ABLIM3: variants seen among roughly 807,000 people sequenced by gnomAD.
The protein encoded by ABLIM3 is actin binding LIM protein family member 3.
ABLIM3 carries 61 observed loss-of-function variants against 109.5 expected under a neutral mutation model. The observed-to-expected ratio is 0.56, with a 90% confidence interval of 0.45 to 0.69. ABLIM3 has a LOEUF of 0.69. Ranked by LOEUF, ABLIM3 falls within the 30% of genes least tolerant of loss-of-function variation. ABLIM3 has a pLI of 0.00. For synonymous variants in ABLIM3, 300 were observed against 324.8 expected, an observed-to-expected ratio of 0.92 and a Z score of 0.82; for missense variants, 796 against 889.5, an observed-to-expected ratio of 0.89 and a Z score of 1.34.
At chr5:149,205,211 C>T (rs1258290633) in intron 5 of ABLIM3, among the ~76,000 whole-genome samples, 2 of 152,198 alleles carry the variant, frequency 1.3e-5, no homozygotes, top group African/African-American at 4.8e-5. Context: ...AGTCAAGTCT[C>T]AGCTCCATAT....
rs1754060978 is a variant in ABLIM3 at position 149,252,793 on chromosome 5, GGAA to G, written c.1898_1900del (p.Arg633del). On this transcript the variant is annotated inframe_deletion, in exon 23 of 24. Coordinates refer to ENST00000309868, the MANE Select transcript of ABLIM3 (RefSeq NM_014945.5). ...TGAACTGCTGCTGGTGACTACAAGA[GGAA>G]GAAACCGACTGCCCAAGGATGTAGA... 1 of 1,613,456 alleles carries G rather than the reference GGAA, an allele frequency of 6.2e-7. No individual in the cohort carries two copies. Among genetic ancestry groups the G allele is most frequent in the South Asian group, 1.1e-5 (1 of 91,056 alleles).
At chr5:149,202,999 C>G (rs1758627179) in intron 5 of ABLIM3, among the ~76,000 whole-genome samples, 1 of 151,908 alleles carries the variant, frequency 6.6e-6, no homozygotes, top group Non-Finnish European at 1.5e-5. Flanking sequence ...ATCACCACCA[C>G]CACCATCATC....
intron 6 of ABLIM3, among the ~76,000 whole-genome samples, chr5:149,209,654 T>C (rs970493159): frequency 6.6e-6 from 1 of 152,198 alleles, no homozygotes; most frequent in Non-Finnish European, 1.5e-5. Flanking sequence ...CAAATGACTT[T>C]TTCTCCCTGC....
intron 2 of ABLIM3, among the ~76,000 whole-genome samples, chr5:149,148,271 G>C (rs936677698): frequency 2.6e-5 from 4 of 152,128 alleles, no homozygotes. Flanking sequence ...GGAGTGAGGT[G>C]GTGGGCAGAC....
chr5:149,163,205 G>C (rs1453977763), intron 2 of ABLIM3, among the ~76,000 whole-genome samples: 2 of 152,126 alleles, frequency 1.3e-5, no homozygotes, highest in Non-Finnish European at 2.9e-5. Context: ...TATCCCCCTG[G>C]CTACTGTGTG....
In ABLIM3 at chr5:149,252,822, C is replaced by T; in HGVS notation, c.1923C>T (p.Asp641=). 6.2e-7 allele frequency: 1 copy of T among 1,613,236 alleles called. No individual in the cohort carries two copies. Among genetic ancestry groups the T allele is most frequent in the Non-Finnish European group, 8.5e-7 (1 of 1,179,388 alleles). The change falls in exon 23 of 24, where the codon GAC becomes GAT. Residue 641 remains aspartate, a synonymous_variant. Coordinates refer to ENST00000309868, the MANE Select transcript of ABLIM3 (RefSeq NM_014945.5). ...GAAACCGACTGCCCAAGGATGTAGACAGGACCCGTTTAGAGGTAAGTCTAA... is the reference window on the plus strand; with the variant it reads ...GAAACCGACTGCCCAAGGATGTAGATAGGACCCGTTTAGAGGTAAGTCTAA... ...RGRNRLPKDV[D]RTRLERHLSQ...
rs986725731 is a variant in ABLIM3 at position 149,141,616 on chromosome 5, C to A, written c.-126C>A. On this transcript the variant is annotated 5_prime_UTR_variant, in exon 1 of 24. Transcript: ENST00000309868. ...GGATTCATGAAATCAGTCGCAGGGGCCGGGGCAGGGGCCTCTGGCTCCCGA... is the reference window on the plus strand; with the variant it reads ...GGATTCATGAAATCAGTCGCAGGGGACGGGGCAGGGGCCTCTGGCTCCCGA... The A allele has an allele frequency of 1.9e-5, 3 of 161,414 alleles. No homozygotes were observed. In the East Asian group the frequency reaches 5.5e-4, roughly 29 times the overall value. 10.0% of individuals were successfully genotyped at this position (161,414 alleles called of 1,614,324 possible).
intron 2 of ABLIM3, among the ~76,000 whole-genome samples, chr5:149,173,481 T>C (rs953213271): frequency 1.3e-4 from 20 of 152,044 alleles, no homozygotes; most frequent in Non-Finnish European, 1.5e-5. Context: ...GCCAGCATCA[T>C]AGAGACCCTG....
intron 3 of ABLIM3, among the ~76,000 whole-genome samples, chr5:149,193,130 T>A (rs954781656): frequency 6.6e-6 from 1 of 152,144 alleles, no homozygotes; most frequent in Non-Finnish European, 1.5e-5. Context: ...GATGGGATAA[T>A]TGGAAAACTT....
chr5:149,257,881 C>G (rs1754579840), intron 23 of ABLIM3, among the ~76,000 whole-genome samples: 1 of 152,148 alleles, frequency 6.6e-6, no homozygotes, highest in African/African-American at 2.4e-5. Flanking sequence ...GAAATATCCC[C>G]TAAAATCTTG....
At chr5:149,172,844 T>C (rs1755573854) in intron 2 of ABLIM3, among the ~76,000 whole-genome samples, 1 of 152,196 alleles carries the variant, frequency 6.6e-6, no homozygotes, top group African/African-American at 2.4e-5. Flanking sequence ...TAGAAAATTA[T>C]AACCGAAAGG....
chr5:149,232,772 G>A (rs2127548636), intron 9 of ABLIM3, among the ~76,000 whole-genome samples: 1 of 152,040 alleles, frequency 6.6e-6, no homozygotes, highest in Middle Eastern at 3.4e-3. Flanking sequence ...TTTTTTTTAA[G>A]TTTATCACTT....
intron 7 of ABLIM3, chr5:149,216,729 G>A (rs1277002684): frequency 1.9e-6 from 1 of 518,572 alleles, no homozygotes; most frequent in African/African-American, 1.9e-5. Flanking sequence ...TAGAAGAGCA[G>A]GTATTCAGGG....
At position 149,210,798 on chromosome 5, in the gene ABLIM3, C is replaced by T. The variant is rs776515838; in HGVS notation, c.648C>T (p.Tyr216=). 2 of 1,614,116 alleles carry T rather than the reference C, an allele frequency of 1.2e-6. No individual in the cohort carries two copies. The change falls in exon 7 of 24, where the codon TAC becomes TAT. Residue 216 remains tyrosine, a synonymous_variant. Transcript: ENST00000309868. Reference sequence around the variant, plus strand: ...TTAAATGTGAGACTTGTGACCGATACATCAGTGGCAGAGTCTTGGAGGTGA... The same window carrying T: ...TTAAATGTGAGACTTGTGACCGATATATCAGTGGCAGAGTCTTGGAGGTGA... ...FGIKCETCDR[Y]ISGRVLEAGG... is the part of the protein sequence containing the mutation.
At chr5:149,166,698 C>G (rs1241839117) in intron 2 of ABLIM3, among the ~76,000 whole-genome samples, 1 of 152,240 alleles carries the variant, frequency 6.6e-6, no homozygotes, top group Non-Finnish European at 1.5e-5. Flanking sequence ...TTACTGAACT[C>G]TTTGCCTTTG....
chr5:149,168,949 A>G (rs1455989876), intron 2 of ABLIM3, among the ~76,000 whole-genome samples: 1 of 151,922 alleles, frequency 6.6e-6, no homozygotes, highest in Non-Finnish European at 1.5e-5. Flanking sequence ...GGGCCCAGGA[A>G]TCTGTATTTT....
chr5:149,169,343 G>A (rs1755152643), intron 2 of ABLIM3, among the ~76,000 whole-genome samples: 1 of 151,890 alleles, frequency 6.6e-6, no homozygotes, highest in Non-Finnish European at 1.5e-5. Flanking sequence ...ATCTTAAGGG[G>A]ATCTCCCCTC....
chr5:149,231,335 A>G (rs1478033419), intron 9 of ABLIM3, among the ~76,000 whole-genome samples: 1 of 152,196 alleles, frequency 6.6e-6, no homozygotes, highest in Non-Finnish European at 1.5e-5. Context: ...CTGATACTGC[A>G]GAGAGGGATT....
chr5:149,155,359 G>A (rs1193816786), intron 2 of ABLIM3, among the ~76,000 whole-genome samples: 1 of 152,304 alleles, frequency 6.6e-6, no homozygotes, highest in Non-Finnish European at 1.5e-5. Flanking sequence ...TAGGCACCAT[G>A]AAATCAATGA....
Sources: gnomAD v4.1 joint callset for allele counts (sites outside exome capture counted in the v4.1 genomes callset) on GRCh38, gnomAD v4.1.1 for gene constraint, MANE v1.5 for transcripts, NCBI Gene and HGNC (gene_info 2026-07-23, HGNC 2026-07-21) for gene names.